The following NETO1 variants were observed in gnomAD, a reference collection of about 807,000 sequenced individuals.
The protein encoded by NETO1 is neuropilin and tolloid-like protein 1.
In NETO1, 26 loss-of-function variants were observed where a neutral mutation model predicts 61.3. The ratio of observed to expected loss-of-function variants is 0.42; its 90% CI spans 0.31 to 0.59. The LOEUF (loss-of-function observed/expected upper bound fraction) is 0.59. Among genes scored for constraint, NETO1 ranks in the 20% least tolerant of loss-of-function variants. NETO1 has a pLI of 0.12. For missense variants in NETO1, 531 were observed against 662.8 expected, an observed-to-expected ratio of 0.80 and a Z score of 2.18; for synonymous variants, 225 against 225.8, an observed-to-expected ratio of 1.00 and a Z score of 0.03.
At chr18:72,773,348 T>C (rs2145188140) in intron 7 of NETO1, among the ~76,000 whole-genome samples, 1 of 152,276 alleles carries the variant, frequency 6.6e-6, no homozygotes, top group African/African-American at 2.4e-5. Flanking sequence ...AGAGCCTTTA[T>C]ATACATCTGC....
intron 7 of NETO1, among the ~76,000 whole-genome samples, chr18:72,764,513 C>A (rs933495063): frequency 1.3e-5 from 2 of 152,150 alleles, no homozygotes; most frequent in Non-Finnish European, 2.9e-5. Flanking sequence ...GCTGAGCCCC[C>A]TGAGGCTGTC....
At chr18:72,810,566 T>C (rs2072831992) in intron 4 of NETO1, among the ~76,000 whole-genome samples, 1 of 152,186 alleles carries the variant, frequency 6.6e-6, no homozygotes, top group African/African-American at 2.4e-5. Context: ...TTTTTAACAG[T>C]GTTATACCAC....
At chr18:72,786,911 C>T (rs2071939840) in intron 6 of NETO1, among the ~76,000 whole-genome samples, 1 of 150,574 alleles carries the variant, frequency 6.6e-6, no homozygotes, top group African/African-American at 2.4e-5. Context: ...GAGACCCCAT[C>T]TCCAAAACAA....
Position 72,750,439 on chromosome 18 carries a change from A to C in NETO1, c.1164T>G (p.Phe388Leu). 6.2e-7 allele frequency: 1 copy of C among 1,614,130 alleles called. No individual in the cohort carries two copies. The change falls in exon 9 of 11, where the codon TTT (phenylalanine) becomes TTG (leucine). Residue 388 changes from phenylalanine to leucine, a missense_variant. Physicochemically the swap from Phe to Leu is conservative, Grantham distance 22. Transcript: ENST00000327305. ...DFDQTVFQEV[F>L]EPPHYELCTL... ...TGCATAACTCATAATGAGGAGGTTC[A>C]AATACCTCCTGGAAAACTGTCTGGT...
At chr18:72,846,504 C>CAAAAAA (rs35252443) in intron 4 of NETO1, among the ~76,000 whole-genome samples, 1,395 of 13,028 alleles carry the variant, frequency 0.11, 439 homozygotes, top group Non-Finnish European at 0.14. Context: ...GACTTCATCT[C>CAAAAAA]AAAAAAAAAA....
In NETO1 at chr18:72,747,482, T is replaced by TGA. The variant is rs764009396; in HGVS notation, c.*695_*696dup. On this transcript the variant is annotated 3_prime_UTR_variant, in exon 11 of 11. Coordinates refer to ENST00000327305, the MANE Select transcript of NETO1 (RefSeq NM_138966.5). ...TGTAGAGTATGAATGGTAAAATACC[T>TGA]GACTTCAAAAAGGATTTCTGAAACT... 33,379 of 151,778 alleles carry TGA rather than the reference T, an allele frequency of 0.22. 4,619 individuals carry two copies. Among genetic ancestry groups the TGA allele is most frequent in the East Asian group, 0.42 (2,129 of 5,112 alleles). 9.4% of individuals were successfully genotyped at this position (151,778 alleles called of 1,614,324 possible).
chr18:72,806,434 C>G (rs879601480), intron 4 of NETO1, among the ~76,000 whole-genome samples: 3 of 152,094 alleles, frequency 2.0e-5, no homozygotes, highest in Non-Finnish European at 2.9e-5. Flanking sequence ...AATTCTCCAC[C>G]TACCGTATGG....
chr18:72,777,220 C>A (rs1345705804), intron 7 of NETO1, among the ~76,000 whole-genome samples: 1 of 150,846 alleles, frequency 6.6e-6, no homozygotes, highest in African/African-American at 2.4e-5. Context: ...GAGTAAGCAA[C>A]CAGCCTGACC....
downstream of NETO1, among the ~76,000 whole-genome samples, chr18:72,743,172 T>C (rs1306338441): frequency 6.6e-6 from 1 of 152,170 alleles, no homozygotes; most frequent in Non-Finnish European, 1.5e-5. Flanking sequence ...CACTCAGAAA[T>C]CATGATGTAA....
intron 7 of NETO1, among the ~76,000 whole-genome samples, chr18:72,778,288 C>A (rs1024312332): frequency 2.0e-5 from 3 of 152,178 alleles, no homozygotes; most frequent in Non-Finnish European, 4.4e-5. Context: ...CCAATCCACA[C>A]TTATTTTATC....
chr18:72,853,698 A>G (rs573131397), intron 4 of NETO1, among the ~76,000 whole-genome samples: 128 of 151,204 alleles, frequency 8.5e-4, no homozygotes, highest in African/African-American at 2.9e-3. Flanking sequence ...CAGAGGTTGC[A>G]GTGAGCCAAG....
At chr18:72,783,989 C>A (rs1209438044) in intron 6 of NETO1, 83 bp from the exon 7 acceptor site, 1 of 909,958 alleles carries the variant, frequency 1.1e-6, no homozygotes, top group East Asian at 2.5e-5. Flanking sequence ...CTTTTTCAGT[C>A]TCACAAGACA....
At chr18:72,836,641 T>C (rs1381186401) in intron 4 of NETO1, among the ~76,000 whole-genome samples, 1 of 152,198 alleles carries the variant, frequency 6.6e-6, no homozygotes, top group African/African-American at 2.4e-5. Context: ...ATATTTATAT[T>C]GCAAATCGTT....
intron 10 of NETO1, among the ~76,000 whole-genome samples, chr18:72,748,460 A>G (rs982321035): frequency 6.6e-6 from 1 of 152,140 alleles, no homozygotes; most frequent in Non-Finnish European, 1.5e-5. Flanking sequence ...CAAATTTTAT[A>G]GTATAAAATT....
At chr18:72,798,603 T>C (rs190772626) in intron 4 of NETO1, among the ~76,000 whole-genome samples, 14 of 152,268 alleles carry the variant, frequency 9.2e-5, no homozygotes, top group Admixed American at 7.8e-4. Context: ...GACACACCCA[T>C]TATTTTATTT....
At chr18:72,865,737 T>G in intron 1 of NETO1, 1 of 1,490,962 alleles carries the variant, frequency 6.7e-7, no homozygotes, top group Non-Finnish European at 9.0e-7. Flanking sequence ...TCCTACAGAC[T>G]GTGGAGGAGG....
intron 4 of NETO1, among the ~76,000 whole-genome samples, chr18:72,850,393 A>C (rs749168653): frequency 7.9e-5 from 12 of 152,236 alleles, no homozygotes; most frequent in Non-Finnish European, 1.6e-4. Context: ...AAATTATAAA[A>C]TATAATAGGA....
intron 7 of NETO1, among the ~76,000 whole-genome samples, chr18:72,762,315 C>T (rs2071003878): frequency 6.6e-6 from 1 of 152,076 alleles, no homozygotes; most frequent in Admixed American, 6.5e-5. Context: ...CATGCACCAC[C>T]ACGCCCGGCT....
chr18:72,814,113 T>G (rs1201644868), intron 4 of NETO1, among the ~76,000 whole-genome samples: 2 of 152,096 alleles, frequency 1.3e-5, no homozygotes, highest in Non-Finnish European at 2.9e-5. Context: ...AGGGAATGTC[T>G]GAAGTCTCCA....
Sources: allele counts gnomAD v4.1 joint callset (sites outside exome capture counted in the v4.1 genomes callset), GRCh38; gene constraint gnomAD v4.1.1; transcripts MANE v1.5; gene names NCBI Gene and HGNC (gene_info 2026-07-23, HGNC 2026-07-21).